Variants in AUTS2 observed in about 807,000 individuals in gnomAD.
The protein encoded by AUTS2 is activator of transcription and developmental regulator AUTS2, also known as autism susceptibility gene 2 protein.
AUTS2 carries 17 observed loss-of-function variants against 112.4 expected under a neutral mutation model. That is an observed-to-expected ratio of 0.15 (90% CI 0.10 to 0.23). The LOEUF is 0.23. Among genes scored for constraint, AUTS2 ranks in the 10% least tolerant of loss-of-function variants. The pLI, the probability that AUTS2 is intolerant of heterozygous loss-of-function variation, is 1.00. For synonymous variants in AUTS2, 751 were observed against 702.7 expected, an observed-to-expected ratio of 1.07 and a Z score of -1.09; for missense variants, 1,510 against 1,701.6, an observed-to-expected ratio of 0.89 and a Z score of 1.98.
chr7:70,621,838 C>CTTTTTTTTTTTTTT lies in AUTS2; in HGVS notation c.691-76717_691-76704dup, dbSNP rs67123941. Among the ~76,000 whole-genome samples, 4 of 66,788 alleles carry CTTTTTTTTTTTTTT rather than the reference C, an allele frequency of 6.0e-5. 1 individual carries two copies. Among genetic ancestry groups the CTTTTTTTTTTTTTT allele is most frequent in the East Asian group, 9.9e-4 (2 of 2,026 alleles). The allele number at this position is 66,788 out of a possible 152,430, so 43.8% of individuals were successfully genotyped here. A position where few individuals can be genotyped will look rare whatever the true frequency, so the allele number is the denominator to read the frequency against. On this transcript the variant is annotated intron_variant, in intron 5 of 18. Coordinates refer to ENST00000342771, the MANE Select transcript of AUTS2 (RefSeq NM_015570.4). ...GCTTACGTTAGTGCATAGTCATTCTCTTTTTTTTTTTTTTTTTTTTTTTTT... is the reference window on the plus strand; with the variant it reads ...GCTTACGTTAGTGCATAGTCATTCTCTTTTTTTTTTTTTTTTTTTTTTTTTTTTTTTTTTTTTTT...
chr7:70,168,921 G>A (rs1161301289), intron 4 of AUTS2, among the ~76,000 whole-genome samples: 3 of 151,890 alleles, frequency 2.0e-5, no homozygotes, highest in African/African-American at 7.3e-5. Context: ...TTTATTGTTA[G>A]GTAACCCAGA....
chr7:69,668,770 G>A (rs568694432), intron 1 of AUTS2, among the ~76,000 whole-genome samples: 1 of 152,212 alleles, frequency 6.6e-6, no homozygotes, highest in African/African-American at 2.4e-5. Context: ...AGGTATGATT[G>A]GATACAAGTA....
chr7:69,774,252 A>AG (rs1157524475), intron 1 of AUTS2, among the ~76,000 whole-genome samples: 1 of 152,184 alleles, frequency 6.6e-6, no homozygotes, highest in Non-Finnish European at 1.5e-5. Context: ...CTTAAAAAAA[A>AG]TTTAGCTGGC....
intron 5 of AUTS2, among the ~76,000 whole-genome samples, chr7:70,500,346 G>A (rs1273939611): frequency 6.6e-6 from 1 of 152,066 alleles, no homozygotes; most frequent in African/African-American, 2.4e-5. Flanking sequence ...CTTGTGGTGG[G>A]AATAAAAGCC....
intron 1 of AUTS2, among the ~76,000 whole-genome samples, chr7:69,896,873 C>T (rs1794770286): frequency 6.6e-6 from 1 of 152,208 alleles, no homozygotes; most frequent in Non-Finnish European, 1.5e-5. Flanking sequence ...GGTCAAATAG[C>T]AGTCATTTTC....
Position 69,755,124 on chromosome 7 carries a change from G to A in AUTS2, c.310-144162G>A, listed in dbSNP as rs147053899. 1.2e-4 allele frequency among the ~76,000 whole-genome samples: 18 copies of A among 152,158 alleles called. No homozygotes were observed. The East Asian group carries it at 1.9e-3, about 16-fold the overall frequency. The stretch of plus-strand genomic sequence containing the variant: ...GGTCACCCATCAAGTGGTTTGGGGC[G>A]GACAGGCAGAGGTGAGTGAGGCTTG... On this transcript the variant is annotated intron_variant, in intron 1 of 18. Transcript: ENST00000342771.
intron 5 of AUTS2, among the ~76,000 whole-genome samples, chr7:70,508,812 A>C (rs138538367): frequency 1.6e-4 from 24 of 152,360 alleles, no homozygotes; most frequent in African/African-American, 5.5e-4. Context: ...TGATGGAGAA[A>C]GGGCAAGGTA....
chr7:69,992,490 C>T (rs1306700285), intron 2 of AUTS2, among the ~76,000 whole-genome samples: 4 of 152,168 alleles, frequency 2.6e-5, no homozygotes, highest in African/African-American at 9.7e-5. Context: ...TGTGTGCCTC[C>T]TGAGTGTATT....
At chr7:69,789,986 A>G (rs897940625) in intron 1 of AUTS2, among the ~76,000 whole-genome samples, 1 of 152,126 alleles carries the variant, frequency 6.6e-6, no homozygotes, top group African/African-American at 2.4e-5. Context: ...ACGTGTTGAA[A>G]CATCAGAGAA....
At chr7:69,779,671 G>A (rs1789059332) in intron 1 of AUTS2, among the ~76,000 whole-genome samples, 1 of 150,602 alleles carries the variant, frequency 6.6e-6, no homozygotes. Context: ...GCTGAGGCAG[G>A]AGAATCACTT....
chr7:69,661,056 A>G (rs1795767480), intron 1 of AUTS2, among the ~76,000 whole-genome samples: 1 of 152,230 alleles, frequency 6.6e-6, no homozygotes, highest in African/African-American at 2.4e-5. Context: ...GAATTATGAC[A>G]TTGGCGGCAA....
intron 14 of AUTS2, among the ~76,000 whole-genome samples, chr7:70,781,123 G>A (rs1791040172): frequency 6.6e-6 from 1 of 152,234 alleles, no homozygotes; most frequent in Non-Finnish European, 1.5e-5. Context: ...CACTTTGGGA[G>A]ACCGAGATGG....
At chr7:70,196,023 G>T (rs553719184) in intron 4 of AUTS2, among the ~76,000 whole-genome samples, 1 of 152,184 alleles carries the variant, frequency 6.6e-6, no homozygotes, top group South Asian at 2.1e-4. Context: ...CAGGTATTGG[G>T]CAGTAATGAA....
chr7:70,110,720 A>G (rs1036124579), intron 2 of AUTS2, among the ~76,000 whole-genome samples: 3 of 152,130 alleles, frequency 2.0e-5, no homozygotes, highest in Non-Finnish European at 4.4e-5. Flanking sequence ...ATCATCATTA[A>G]CACAGGTAAA....
At chr7:69,940,595 T>C (rs968070969) in intron 2 of AUTS2, among the ~76,000 whole-genome samples, 1 of 152,124 alleles carries the variant, frequency 6.6e-6, no homozygotes, top group Non-Finnish European at 1.5e-5. Context: ...CATGGAAATA[T>C]AAAGGGCTAA....
At chr7:69,885,461 CT>C (rs1794234059) in intron 1 of AUTS2, among the ~76,000 whole-genome samples, 2 of 152,194 alleles carry the variant, frequency 1.3e-5, no homozygotes, top group African/African-American at 4.8e-5. Context: ...GAGGCATAGC[CT>C]TTCCCTAATT....
At chr7:70,050,806 C>A (rs539887763) in intron 2 of AUTS2, among the ~76,000 whole-genome samples, 22 of 152,192 alleles carry the variant, frequency 1.4e-4, no homozygotes, top group Middle Eastern at 6.8e-3. Flanking sequence ...ACCAGCCTGG[C>A]CAATATGGCG....
At chr7:70,448,749 T>C (rs1796417342) in intron 5 of AUTS2, among the ~76,000 whole-genome samples, 1 of 152,206 alleles carries the variant, frequency 6.6e-6, no homozygotes, top group Admixed American at 6.5e-5. Flanking sequence ...TTACTGGACG[T>C]CCAATGCTGT....
rs908212082 is a variant in AUTS2, at chr7:70,793,100, G to GA, written c.*2104_*2105insA. The stretch of plus-strand genomic sequence containing the variant: ...CGCTTGTGGTTTGTTTTTTGAGGAG[G>GA]GGGGGTTCTGTTAGTTTTTCGTATG... On this transcript the variant is annotated 3_prime_UTR_variant, in exon 19 of 19. Transcript: ENST00000342771. 7.2e-5 allele frequency: 11 copies of GA among 151,946 alleles called. No individual in the cohort carries two copies. Among genetic ancestry groups the GA allele is most frequent in the African/African-American group, 2.7e-4 (11 of 41,300 alleles). 9.4% of individuals were successfully genotyped at this position (151,946 alleles called of 1,614,324 possible). A position where few individuals can be genotyped will look rare whatever the true frequency, so the allele number is the denominator to read the frequency against.
Sources: gnomAD v4.1 joint callset for allele counts (sites outside exome capture counted in the v4.1 genomes callset) on GRCh38, gnomAD v4.1.1 for gene constraint, MANE v1.5 for transcripts, NCBI Gene and HGNC (gene_info 2026-07-23, HGNC 2026-07-21) for gene names.